ZNF221: variants seen among roughly 807,000 people sequenced by gnomAD.
ZNF221 encodes zinc finger protein 221.
ZNF221 carries 10 observed loss-of-function variants against 12.6 expected under a neutral mutation model. That is an observed-to-expected ratio of 0.79 (90% CI 0.49 to 1.34). The LOEUF is 1.34. Among genes scored for constraint, ZNF221 ranks in the 40% most tolerant of loss-of-function variants. The pLI, the probability that ZNF221 is intolerant of heterozygous loss-of-function variation, is 0.00. For synonymous variants in ZNF221, 232 were observed against 244.0 expected, an observed-to-expected ratio of 0.95 and a Z score of 0.46; for missense variants, 661 against 721.4, an observed-to-expected ratio of 0.92 and a Z score of 0.96.
chr19:43,979,613 G>T, the ZNF221 span, among the ~76,000 whole-genome samples: 1 of 152,058 alleles, frequency 6.6e-6, no homozygotes, highest in Admixed American at 6.5e-5. Context: ...CCTCTCGTGG[G>T]TTAGTGTTCC....
chr19:43,975,181 C>T, the ZNF221 span, among the ~76,000 whole-genome samples: 1 of 152,128 alleles, frequency 6.6e-6, no homozygotes, highest in Non-Finnish European at 1.5e-5. Context: ...TTTCACCTAG[C>T]AATCCCATTA....
At chr19:43,979,464 T>G in the ZNF221 span, among the ~76,000 whole-genome samples, 4 of 151,930 alleles carry the variant, frequency 2.6e-5, no homozygotes, top group African/African-American at 9.7e-5. Flanking sequence ...TTTGTAGATA[T>G]TTAGCCCATA....
At chr19:43,962,546 C>T (rs777215596) in intron 1 of ZNF221, among the ~76,000 whole-genome samples, 179 bp from the exon 2 acceptor site, 4 of 152,126 alleles carry the variant, frequency 2.6e-5, no homozygotes, top group Non-Finnish European at 5.9e-5. Flanking sequence ...TATGGATATG[C>T]CATGATTTGT....
chr19:43,954,083 C>CAA (rs5828186), intron 1 of ZNF221, among the ~76,000 whole-genome samples: 29,354 of 86,630 alleles, frequency 0.34, 4,692 homozygotes, highest in South Asian at 0.42. Context: ...GACTCCGTCT[C>CAA]AAAAAAAAAA....
chr19:43,959,803 T>G (rs2147337116), intron 1 of ZNF221, among the ~76,000 whole-genome samples: 1 of 152,308 alleles, frequency 6.6e-6, no homozygotes, highest in South Asian at 2.1e-4. Context: ...CCTCAGGTAT[T>G]TTGTTACAGT....
downstream of ZNF221, chr19:43,967,836 G>T (rs1354907564): frequency 5.4e-6 from 1 of 186,806 alleles, no homozygotes; most frequent in Non-Finnish European, 1.1e-5. Context: ...CCATACAAAT[G>T]TGAGGAGCAT....
chr19:43,978,780 T>C, the ZNF221 span: 1 of 152,126 alleles, frequency 6.6e-6, no homozygotes, highest in Admixed American at 6.6e-5. Context: ...AACTTTGAAA[T>C]TGGGTACATT....
downstream of ZNF221, among the ~76,000 whole-genome samples, chr19:43,968,877 C>A (rs1248717610): frequency 6.6e-6 from 1 of 152,208 alleles, no homozygotes; most frequent in Non-Finnish European, 1.5e-5. Flanking sequence ...ACCCACGGGT[C>A]AGGAGATCTC....
intron 1 of ZNF221, among the ~76,000 whole-genome samples, chr19:43,959,565 C>T (rs1304043131): frequency 6.6e-6 from 1 of 152,138 alleles, no homozygotes; most frequent in Non-Finnish European, 1.5e-5. Context: ...AGTTCCTGCT[C>T]AGTTAGTTCA....
At chr19:43,957,942 G>A (rs547346443) in intron 1 of ZNF221, among the ~76,000 whole-genome samples, 1 of 152,328 alleles carries the variant, frequency 6.6e-6, no homozygotes, top group Admixed American at 6.5e-5. Context: ...TCCAGGCAAG[G>A]TTGGGCAGGG....
Position 43,965,248 on chromosome 19 carries a change from A to T in ZNF221, c.224A>T (p.His75Leu), listed in dbSNP as rs776741929. ...GTGTTCACAGGGAATCAACCATTCC[A>T]CCAAGATACTTTCCACTTCTTAGGG... Reference protein sequence around the residue: ...NLLSVGNQPFHQDTFHFLGKE... With the variant: ...NLLSVGNQPFLQDTFHFLGKE... The change falls in exon 4 of 5, where the codon CAC becomes CTC. Residue 75 changes from histidine to leucine, a missense_variant. His to Leu is a moderately conservative substitution (Grantham distance 99). Transcript: ENST00000587682. 1.9e-6 allele frequency: 3 copies of T among 1,612,450 alleles called. No homozygotes were observed. In the African/African-American group the frequency reaches 4.0e-5, roughly 22 times the overall value.
At position 43,966,180 on chromosome 19, in the gene ZNF221, T is replaced by C; in HGVS notation, c.678T>C (p.Tyr226=). 3 of 1,614,196 alleles carry C rather than the reference T, an allele frequency of 1.9e-6. No individual in the cohort carries two copies. Among genetic ancestry groups the C allele is most frequent in the African/African-American group, 1.3e-5 (1 of 75,042 alleles). Residue 226 remains tyrosine (Y), a synonymous_variant, in exon 5 of 5, where the codon TAT becomes TAC. Transcript: ENST00000587682. ...HQRVHMGEKC[Y]KCDVCGKEFN... ...GAGTCCATATGGGAGAAAAATGCTA[T>C]AAGTGTGATGTGTGTGGTAAGGAAT...
intron 1 of ZNF221, among the ~76,000 whole-genome samples, chr19:43,953,640 A>G (rs569857413): frequency 6.6e-6 from 1 of 152,196 alleles, no homozygotes; most frequent in Non-Finnish European, 1.5e-5. Context: ...GTTGCCAGCC[A>G]TCACTCAATT....
chr19:43,963,920 G>T (rs1166476892), intron 2 of ZNF221, among the ~76,000 whole-genome samples: 2 of 152,054 alleles, frequency 1.3e-5, no homozygotes, highest in Admixed American at 1.3e-4. Context: ...GTGGGAAGTA[G>T]GTAAAAAATT....
chr19:43,961,467 A>G (rs1441052889), intron 1 of ZNF221, among the ~76,000 whole-genome samples: 1 of 152,174 alleles, frequency 6.6e-6, no homozygotes, highest in Non-Finnish European at 1.5e-5. Context: ...GATGCTAGGT[A>G]GTATTAGATA....
chr19:43,971,684 A>G (rs1975100842), downstream of ZNF221, among the ~76,000 whole-genome samples: 1 of 152,116 alleles, frequency 6.6e-6, no homozygotes, highest in Non-Finnish European at 1.5e-5. Flanking sequence ...ATTACATAAC[A>G]GCAAAGGGTT....
intron 1 of ZNF221, among the ~76,000 whole-genome samples, chr19:43,958,989 GT>G (rs3082682): frequency 0.25 from 36,825 of 149,810 alleles, 5,176 homozygotes; most frequent in Admixed American, 0.35. Flanking sequence ...GTTTTTGGTT[GT>G]TTTTTTTTTT....
intron 1 of ZNF221, among the ~76,000 whole-genome samples, chr19:43,961,221 C>T (rs1323236501): frequency 5.9e-5 from 9 of 152,234 alleles, no homozygotes; most frequent in African/African-American, 1.9e-4. Context: ...GCTGGGATTA[C>T]AGGCTCAAGC....
intron 1 of ZNF221, among the ~76,000 whole-genome samples, chr19:43,953,017 A>T (rs1013073818): frequency 6.6e-6 from 1 of 152,054 alleles, no homozygotes; most frequent in South Asian, 2.1e-4. Context: ...CCCAGGATGG[A>T]GTGCAGTGGC....
Sources: allele counts gnomAD v4.1 joint callset (sites outside exome capture counted in the v4.1 genomes callset), GRCh38; gene constraint gnomAD v4.1.1; transcripts MANE v1.5; gene names NCBI Gene and HGNC (gene_info 2026-07-23, HGNC 2026-07-21).